Variants in ARHGAP29 observed in about 807,000 individuals in gnomAD.
ARHGAP29 encodes Rho GTPase activating protein 29.
ARHGAP29 carries 43 observed loss-of-function variants against 122.6 expected under a neutral mutation model. That is an observed-to-expected ratio of 0.35 (90% CI 0.27 to 0.45). ARHGAP29 has a LOEUF of 0.45. ARHGAP29 is among the 20% of genes least tolerant of loss of function. ARHGAP29 has a pLI of 1.00. For missense variants in ARHGAP29, 1,303 were observed against 1,477.2 expected (o/e 0.88, Z 1.93); for synonymous variants, 506 against 497.1 (o/e 1.02, Z -0.24).
intron 16 of ARHGAP29, 146 bp downstream of exon 16, chr1:94,186,353 T>C (rs778795056): frequency 6.4e-5 from 34 of 533,518 alleles, no homozygotes; most frequent in Non-Finnish European, 1.1e-4. Context: ...TATATAATTG[T>C]TGGGATATAT....
Position 94,173,684 on chromosome 1 carries a change from T to G in ARHGAP29, c.*185A>C. 1 of 630,816 alleles carries G rather than the reference T, an allele frequency of 1.6e-6. No homozygotes were observed. Among genetic ancestry groups the G allele is most frequent in the East Asian group, 2.8e-5 (1 of 35,850 alleles). The allele number at this position is 630,816 out of a possible 1,614,324, so 39.1% of individuals were successfully genotyped here. On this transcript the variant is annotated 3_prime_UTR_variant, in exon 23 of 23. Transcript: ENST00000260526. The stretch of plus-strand genomic sequence containing the variant: ...AGATAATTCCAGTGAGGCACAAATG[T>G]GACCCTATCAAAACATTCTACCATT...
At chr1:94,272,100 G>A (rs1035672038) in intron 1 of ARHGAP29, among the ~76,000 whole-genome samples, 2 of 152,150 alleles carry the variant, frequency 1.3e-5, no homozygotes, top group East Asian at 3.9e-4. Flanking sequence ...GGTATAGGAA[G>A]GCTATGAACA....
chr1:94,272,297 A>G (rs1429035742), intron 1 of ARHGAP29, among the ~76,000 whole-genome samples: 1 of 152,192 alleles, frequency 6.6e-6, no homozygotes, highest in Non-Finnish European at 1.5e-5. Context: ...AGTTTGTCCC[A>G]CTAACCTCCT....
At chr1:94,232,382 C>T (rs1269240589) in intron 1 of ARHGAP29, among the ~76,000 whole-genome samples, 3 of 152,144 alleles carry the variant, frequency 2.0e-5, no homozygotes, top group South Asian at 2.1e-4. Context: ...ACACACAACA[C>T]ATCCTGGATT....
intron 1 of ARHGAP29, among the ~76,000 whole-genome samples, chr1:94,254,025 C>T (rs1654224635): frequency 6.6e-6 from 1 of 152,146 alleles, no homozygotes; most frequent in African/African-American, 2.4e-5. Flanking sequence ...CATTTAGATA[C>T]CTGGATTTAA....
Position 94,170,302 on chromosome 1 carries a change from T to C in ARHGAP29, c.*3567A>G, listed in dbSNP as rs947119322. On this transcript the variant is annotated 3_prime_UTR_variant, in exon 23 of 23. Transcript: ENST00000260526. ...AGTATAGAGCATCATTTCTGTAGTA[T>C]TGGACAAAAATGTCTATCCTAAACC... 3.9e-5 allele frequency among the ~76,000 whole-genome samples: 6 copies of C among 152,210 alleles called. No homozygotes were observed. Among genetic ancestry groups the C allele is most frequent in the Non-Finnish European group, 5.9e-5 (4 of 68,034 alleles).
chr1:94,193,380 A>G (rs1650243735), intron 12 of ARHGAP29: 1 of 152,028 alleles, frequency 6.6e-6, no homozygotes, highest in Non-Finnish European at 1.5e-5. Flanking sequence ...AAAAAAAAAA[A>G]AAATTGAAGA....
At position 94,177,647 on chromosome 1, in the gene ARHGAP29, T is replaced by C; in HGVS notation, c.2870A>G (p.Gln957Arg). Residue 957 changes from glutamine (Q) to arginine (R), a missense_variant, in exon 22 of 23, where the codon CAA becomes CGA. By Grantham distance (43) the Gln-to-Arg change is conservative. This residue lies in a region of ARHGAP29 where 620 missense variants were observed against 651.2 expected (regional missense o/e 0.95). Transcript: ENST00000260526. ...ATSFEESERK[Q>R]NALGKCDACL... ...TGCATCACATTTTCCTAACGCATTT[T>C]GCTTGCGTTCTGATTCCTCAAATGA... 1 of 1,613,580 alleles carries C rather than the reference T, an allele frequency of 6.2e-7. No individual in the cohort carries two copies. The highest frequency in any genetic ancestry group is 2.2e-5 in the East Asian group (1 of 44,848).
the ARHGAP29 span, among the ~76,000 whole-genome samples, chr1:94,294,003 G>A: frequency 6.6e-6 from 1 of 152,232 alleles, no homozygotes; most frequent in East Asian, 1.9e-4. Flanking sequence ...AAGCTACCTA[G>A]GGACTGCCAG....
At chr1:94,246,379 A>G (rs1653796576) in intron 1 of ARHGAP29, among the ~76,000 whole-genome samples, 1 of 152,188 alleles carries the variant, frequency 6.6e-6, no homozygotes, top group African/African-American at 2.4e-5. Context: ...TGAAAGGGGA[A>G]TCTCCTCTCC....
intron 3 of ARHGAP29, among the ~76,000 whole-genome samples, chr1:94,212,893 C>T (rs1651728244): frequency 6.6e-6 from 1 of 152,148 alleles, no homozygotes; most frequent in African/African-American, 2.4e-5. Flanking sequence ...TCTCCAAAAC[C>T]CTATACCAAC....
chr1:94,265,161 A>T (rs758199461), intron 1 of ARHGAP29, among the ~76,000 whole-genome samples: 1 of 151,996 alleles, frequency 6.6e-6, no homozygotes, highest in Admixed American at 6.6e-5. Flanking sequence ...GTCCTTCCTG[A>T]CTCATTTTGT....
chr1:94,191,896 T>C (rs1201247757), intron 12 of ARHGAP29: 1 of 152,150 alleles, frequency 6.6e-6, no homozygotes. Context: ...TTGATAGGAT[T>C]TTTGTGAGAA....
Position 94,271,792 on chromosome 1 carries a change from A to C in ARHGAP29, c.-33+3220T>G, listed in dbSNP as rs185340562. Among the ~76,000 whole-genome samples the C allele has an allele frequency of 1.5e-3, 228 of 152,266 alleles. 2 individuals carry two copies. Among genetic ancestry groups the C allele is most frequent in the African/African-American group, 4.7e-3 (195 of 41,544 alleles). On this transcript the variant is annotated intron_variant and NMD_transcript_variant, in intron 1 of 25. Coordinates refer to the ARHGAP29 transcript ENST00000552844. ...GTAATTTTGGACTCTTCAGGATTCG[A>C]AGTTCTGTTCCCCAAAGGAAGCACT...
Position 94,185,632 on chromosome 1 carries a change from A to C in ARHGAP29, c.1781-151T>G, listed in dbSNP as rs1442405596. 7.3e-6 allele frequency: 5 copies of C among 680,486 alleles called. No homozygotes were observed. The Admixed American group carries it at 1.2e-4, about 16-fold the overall frequency. The allele number at this position is 680,486 out of a possible 1,614,324, so 42.2% of individuals were successfully genotyped here. A position where few individuals can be genotyped will look rare whatever the true frequency, so the allele number is the denominator to read the frequency against. On this transcript the variant is annotated intron_variant, in intron 16 of 22. Coordinates refer to ENST00000260526, the MANE Select transcript of ARHGAP29 (RefSeq NM_004815.4). ...ATATCAAAATAGCTAGTTAGCATCC[A>C]ATTTATAGGTCTAATTTATAGATCT...
At chr1:94,191,794 C>CA (rs1650146512) in intron 12 of ARHGAP29, 1 of 152,278 alleles carries the variant, frequency 6.6e-6, no homozygotes, top group Admixed American at 6.5e-5. Context: ...CATAGGCTCT[C>CA]AAAGTAATGG....
At chr1:94,273,339 C>CT (rs1655062934) in intron 1 of ARHGAP29, among the ~76,000 whole-genome samples, 1 of 152,200 alleles carries the variant, frequency 6.6e-6, no homozygotes, top group Admixed American at 6.5e-5. Context: ...GATTAAAGGG[C>CT]TTAAGCAATT....
chr1:94,212,045 G>A (rs527909923), intron 3 of ARHGAP29, among the ~76,000 whole-genome samples: 5 of 152,280 alleles, frequency 3.3e-5, no homozygotes, highest in Admixed American at 2.0e-4. Context: ...TTGGGAGACC[G>A]AGGCGGGAGG....
intron 1 of ARHGAP29, among the ~76,000 whole-genome samples, chr1:94,262,628 A>G (rs1368952133): frequency 6.6e-6 from 1 of 152,196 alleles, no homozygotes. Flanking sequence ...ATATACATGC[A>G]GCCGATAAGT....
Sources: gnomAD v4.1 joint callset for allele counts (sites outside exome capture counted in the v4.1 genomes callset) on GRCh38, gnomAD v4.1.1 for gene constraint, gnomAD v4.1.1 regional missense constraint, MANE v1.5 for transcripts, NCBI Gene and HGNC (gene_info 2026-07-23, HGNC 2026-07-21) for gene names.